Variants in PLPP4 observed in about 807,000 individuals in gnomAD.
The protein encoded by PLPP4 is diacylglycerol pyrophosphate like 2.
PLPP4 carries 20 observed loss-of-function variants against 32.2 expected under a neutral mutation model. The observed-to-expected ratio is 0.62, with a 90% CI of 0.44 to 0.90. The LOEUF is 0.90. PLPP4 is among the 40% of genes least tolerant of loss of function. The pLI is 0.00. For missense variants in PLPP4, 257 were observed against 353.1 expected (o/e 0.73, Z 2.18); for synonymous variants, 127 against 133.0 (o/e 0.95, Z 0.31).
chr10:120,485,617 A>T (rs1844410942), intron 1 of PLPP4, among the ~76,000 whole-genome samples: 2 of 152,254 alleles, frequency 1.3e-5, no homozygotes, highest in Admixed American at 1.3e-4. Context: ...ATGGTTTTTG[A>T]TGCTGGATAC....
intron 1 of PLPP4, among the ~76,000 whole-genome samples, chr10:120,497,768 C>T (rs149523011): frequency 0.031 from 4,656 of 152,158 alleles, 90 homozygotes; most frequent in Middle Eastern, 0.14. Context: ...CGGCCAGGGG[C>T]GGCGGCTCAC....
chr10:120,567,724 G>T (rs1220978788), intron 5 of PLPP4, among the ~76,000 whole-genome samples: 3 of 152,116 alleles, frequency 2.0e-5, no homozygotes, highest in Non-Finnish European at 2.9e-5. Context: ...AGCAGTGTCT[G>T]CAAAAGTTAC....
intron 1 of PLPP4, among the ~76,000 whole-genome samples, chr10:120,500,282 C>T (rs1030904734): frequency 6.6e-6 from 1 of 152,120 alleles, no homozygotes; most frequent in Non-Finnish European, 1.5e-5. Context: ...GGTCCCATTG[C>T]CCTGTGGCCG....
chr10:120,589,878 G>T lies in PLPP4; in HGVS notation c.*376G>T. The T allele has an allele frequency of 5.4e-6, 1 of 185,772 alleles. No homozygotes were observed. Among genetic ancestry groups the T allele is most frequent in the Non-Finnish European group, 1.1e-5 (1 of 89,596 alleles). 11.5% of individuals were successfully genotyped at this position (185,772 alleles called of 1,614,324 possible). A position where few individuals can be genotyped will look rare whatever the true frequency, so the allele number is the denominator to read the frequency against. ...TGGTGTTGGCCACCCAGCGCAACAA[G>T]TCATTTGGAGATGCAGCAGGTTTCT... On this transcript the variant is annotated 3_prime_UTR_variant, in exon 7 of 7. Transcript: ENST00000398250.
chr10:120,522,223 A>G (rs949268314), intron 5 of PLPP4, among the ~76,000 whole-genome samples: 1 of 152,114 alleles, frequency 6.6e-6, no homozygotes, highest in Admixed American at 6.5e-5. Context: ...TTCCCTAAAT[A>G]CCCGAGACAC....
chr10:120,509,914 G>A (rs1845658219), intron 2 of PLPP4, among the ~76,000 whole-genome samples: 2 of 152,068 alleles, frequency 1.3e-5, no homozygotes, highest in South Asian at 4.1e-4. Flanking sequence ...TACTTTCTAG[G>A]GTAGGAACTG....
chr10:120,569,022 T>G (rs897281752), intron 5 of PLPP4, among the ~76,000 whole-genome samples: 4 of 152,046 alleles, frequency 2.6e-5, no homozygotes, highest in African/African-American at 7.2e-5. Context: ...GTGGATCACT[T>G]GAGGTCAGGA....
chr10:120,580,642 TACACAC>T (rs59076083), intron 6 of PLPP4, among the ~76,000 whole-genome samples: 1 of 95,668 alleles, frequency 1.0e-5, no homozygotes, highest in Admixed American at 1.1e-4. Context: ...CTCTGTCTCT[TACACAC>T]ACACACACAC....
At chr10:120,529,263 G>C (rs1378277177) in intron 5 of PLPP4, among the ~76,000 whole-genome samples, 1 of 152,198 alleles carries the variant, frequency 6.6e-6, no homozygotes, top group Non-Finnish European at 1.5e-5. Context: ...GGATGCTGCT[G>C]AATATCCTGC....
chr10:120,554,793 C>T (rs576047044), intron 5 of PLPP4, among the ~76,000 whole-genome samples: 70 of 152,144 alleles, frequency 4.6e-4, no homozygotes, highest in African/African-American at 1.7e-3. Context: ...ACAACCAGAC[C>T]TCATGGGAAC....
intron 1 of PLPP4, among the ~76,000 whole-genome samples, chr10:120,472,148 T>C (rs1199266866): frequency 1.3e-5 from 2 of 152,102 alleles, no homozygotes; most frequent in African/African-American, 4.8e-5. Context: ...TTTAAAAAAT[T>C]TACCAACATA....
intron 5 of PLPP4, among the ~76,000 whole-genome samples, chr10:120,524,730 T>C (rs999914541): frequency 5.9e-5 from 9 of 152,158 alleles, no homozygotes; most frequent in South Asian, 4.1e-4. Flanking sequence ...CCACCCTTGA[T>C]TGGAAAAGCA....
chr10:120,575,650 G>C (rs1256103544), intron 6 of PLPP4, among the ~76,000 whole-genome samples: 2 of 152,038 alleles, frequency 1.3e-5, no homozygotes, highest in African/African-American at 4.8e-5. Flanking sequence ...GGTGCCAAGT[G>C]GTTTTTGGCT....
intron 5 of PLPP4, among the ~76,000 whole-genome samples, chr10:120,561,492 A>G (rs1848432517): frequency 6.6e-6 from 1 of 152,164 alleles, no homozygotes; most frequent in Non-Finnish European, 1.5e-5. Context: ...GCTTATTCCT[A>G]TACCAATGCT....
chr10:120,501,176 A>G (rs1845231906), intron 1 of PLPP4, among the ~76,000 whole-genome samples: 1 of 141,044 alleles, frequency 7.1e-6, no homozygotes, highest in African/African-American at 2.5e-5. Context: ...CCACAAATTC[A>G]TGAGCAAAAT....
Position 120,503,854 on chromosome 10 carries a change from C to G in PLPP4, c.93C>G (p.Ile31Met). 6.2e-7 allele frequency: 1 copy of G among 1,613,826 alleles called. No homozygotes were observed. Among genetic ancestry groups the G allele is most frequent in the Non-Finnish European group, 8.5e-7 (1 of 1,179,710 alleles). ...TTTTGGATCCGTTCCAGAGAGTCAT[C>G]CAGCCAGAAGAGATCTGGCTCTATA... ...TEFLDPFQRV[I>M]QPEEIWLYKN... The change falls in exon 2 of 7, where the codon ATC becomes ATG. Residue 31 changes from isoleucine to methionine, a missense_variant. Transcript: ENST00000398250.
At chr10:120,497,899 G>A (rs1363354166) in intron 1 of PLPP4, among the ~76,000 whole-genome samples, 2 of 152,078 alleles carry the variant, frequency 1.3e-5, no homozygotes, top group East Asian at 3.9e-4. Flanking sequence ...AATTAGCCAG[G>A]CGTGGTGGCC....
At chr10:120,513,154 C>T (rs1017072173) in intron 2 of PLPP4, among the ~76,000 whole-genome samples, 1 of 152,174 alleles carries the variant, frequency 6.6e-6, no homozygotes, top group Admixed American at 6.5e-5. Context: ...GAATGGAAAC[C>T]TTGTCCCCAA....
At chr10:120,528,975 GTT>G (rs35818441) in intron 5 of PLPP4, among the ~76,000 whole-genome samples, 63,049 of 147,656 alleles carry the variant, frequency 0.43, 13,485 homozygotes, top group South Asian at 0.58. Flanking sequence ...AGCCCCTCAT[GTT>G]TTTTTTTTTT....
Sources: allele counts gnomAD v4.1 joint callset (sites outside exome capture counted in the v4.1 genomes callset), GRCh38; gene constraint gnomAD v4.1.1; transcripts MANE v1.5; gene names NCBI Gene and HGNC (gene_info 2026-07-23, HGNC 2026-07-21).